The following PLCXD3 variants were observed in gnomAD, a reference collection of about 807,000 sequenced individuals.
The protein encoded by PLCXD3 is PI-PLC X domain-containing protein 3.
In PLCXD3, 19 loss-of-function variants were observed where a neutral mutation model predicts 25.5. The ratio of observed to expected loss-of-function variants is 0.75; its 90% CI spans 0.52 to 1.09. The LOEUF (loss-of-function observed/expected upper bound fraction) is 1.09, where lower values mean the gene tolerates loss of function less well. Ranked by LOEUF, PLCXD3 falls within the 50% of genes least tolerant of loss-of-function variation. The probability of loss-of-function intolerance (pLI) is 0.00; values close to 1 mark genes in which losing one functional copy is unlikely to be tolerated. For missense variants in PLCXD3, 411 were observed against 388.1 expected (o/e 1.06, Z -0.50); for synonymous variants, 174 against 137.6 (o/e 1.26, Z -1.85).
chr5:41,499,011 C>T (rs1748896314), intron 1 of PLCXD3, among the ~76,000 whole-genome samples: 1 of 151,306 alleles, frequency 6.6e-6, no homozygotes, highest in Admixed American at 6.6e-5. Context: ...TACCTTGACA[C>T]AATAAAAGCC....
chr5:41,313,954 G>T (rs530594424), intron 2 of PLCXD3, among the ~76,000 whole-genome samples, 184 bp from the exon 3 acceptor site: 42 of 152,296 alleles, frequency 2.8e-4, no homozygotes, highest in African/African-American at 9.9e-4. Flanking sequence ...CTCTGCAGGA[G>T]AAATATTCAC....
At chr5:41,358,427 A>G (rs1236146845) in intron 2 of PLCXD3, among the ~76,000 whole-genome samples, 2 of 152,070 alleles carry the variant, frequency 1.3e-5, no homozygotes, top group Non-Finnish European at 2.9e-5. Flanking sequence ...CCTGCATCCA[A>G]TATGTAGTCT....
chr5:41,389,704 C>T (rs1388687786), intron 1 of PLCXD3, among the ~76,000 whole-genome samples: 2 of 152,016 alleles, frequency 1.3e-5, no homozygotes, highest in Admixed American at 1.3e-4. Context: ...AAAAGGAAAC[C>T]ATGGTCAGTA....
chr5:41,485,049 A>G (rs1325387906), intron 1 of PLCXD3, among the ~76,000 whole-genome samples: 5 of 152,218 alleles, frequency 3.3e-5, no homozygotes, highest in Admixed American at 1.3e-4. Context: ...AGAATTTGCT[A>G]GATTAACTCA....
chr5:41,313,928 T>C (rs951321367), intron 2 of PLCXD3, among the ~76,000 whole-genome samples, 158 bp from the exon 3 acceptor site: 1 of 152,228 alleles, frequency 6.6e-6, no homozygotes, highest in Non-Finnish European at 1.5e-5. Context: ...TGGGGATTTT[T>C]TAACCTTTGA....
intron 2 of PLCXD3, among the ~76,000 whole-genome samples, chr5:41,379,436 C>A (rs1169569004): frequency 6.6e-6 from 1 of 151,964 alleles, no homozygotes; most frequent in Non-Finnish European, 1.5e-5. Flanking sequence ...GCTTAGGAAG[C>A]TGGAGAGAGG....
chr5:41,403,414 T>TTTTG (rs1378237073), intron 1 of PLCXD3, among the ~76,000 whole-genome samples: 1 of 45,004 alleles, frequency 2.2e-5, no homozygotes, highest in Non-Finnish European at 5.2e-5. Context: ...TTTTTTTTTT[T>TTTTG]TTATTATACT....
intron 2 of PLCXD3, among the ~76,000 whole-genome samples, chr5:41,327,232 A>G (rs187043440): frequency 2.3e-3 from 353 of 152,282 alleles, no homozygotes; most frequent in African/African-American, 8.3e-3. Flanking sequence ...TGGGGACTAG[A>G]GAGCAGGGGC....
Position 41,396,009 on chromosome 5 carries a change from A to AG in PLCXD3, c.104-13476_104-13475insC, listed in dbSNP as rs1246156905. On this transcript the variant is annotated intron_variant, in intron 1 of 2. Coordinates refer to ENST00000377801, the MANE Select transcript of PLCXD3 (RefSeq NM_001005473.3). ...GACAAAGGCCCATCAAAGAAAAAAA[A>AG]AAAACCACAAAACAAAACAAAAAAC... 1.9e-4 allele frequency among the ~76,000 whole-genome samples: 29 copies of AG among 151,896 alleles called. 1 individual carries two copies. The South Asian group carries it at 5.8e-3, about 30-fold the overall frequency.
intron 2 of PLCXD3, among the ~76,000 whole-genome samples, chr5:41,340,826 T>A (rs2150477650): frequency 6.6e-6 from 1 of 152,328 alleles, no homozygotes; most frequent in East Asian, 1.9e-4. Flanking sequence ...CCACTGGAAG[T>A]CATTAAGTGG....
At chr5:41,485,779 C>T (rs569088650) in intron 1 of PLCXD3, among the ~76,000 whole-genome samples, 1 of 152,316 alleles carries the variant, frequency 6.6e-6, no homozygotes, top group African/African-American at 2.4e-5. Context: ...TACTGACTTA[C>T]AGTCAGTTAT....
chr5:41,407,552 T>C (rs1012883359), intron 1 of PLCXD3, among the ~76,000 whole-genome samples: 1 of 152,206 alleles, frequency 6.6e-6, no homozygotes, highest in South Asian at 2.1e-4. Context: ...CACATAATTT[T>C]GCCTCAATCT....
At chr5:41,369,258 CA>C (rs1400537726) in intron 2 of PLCXD3, among the ~76,000 whole-genome samples, 2 of 152,136 alleles carry the variant, frequency 1.3e-5, no homozygotes, top group Admixed American at 6.6e-5. Flanking sequence ...GGATACTTAA[CA>C]ATAGTCCATC....
chr5:41,358,085 C>T (rs1329968651), intron 2 of PLCXD3, among the ~76,000 whole-genome samples: 1 of 152,210 alleles, frequency 6.6e-6, no homozygotes, highest in African/African-American at 2.4e-5. Context: ...TTATTGATCA[C>T]TCGCTATGTA....
intron 1 of PLCXD3, among the ~76,000 whole-genome samples, chr5:41,455,125 G>A (rs1747724577): frequency 6.6e-6 from 1 of 151,858 alleles, no homozygotes; most frequent in Admixed American, 6.6e-5. Context: ...TGAGGATCAT[G>A]GTGATTACAA....
intron 2 of PLCXD3, among the ~76,000 whole-genome samples, chr5:41,342,620 TG>T (rs1466551873): frequency 6.6e-6 from 1 of 152,160 alleles, no homozygotes; most frequent in East Asian, 1.9e-4. Context: ...AAATTTAATG[TG>T]GGTATTTTAT....
chr5:41,468,175 G>A (rs1209951290), intron 1 of PLCXD3, among the ~76,000 whole-genome samples: 1 of 151,632 alleles, frequency 6.6e-6, no homozygotes, highest in Non-Finnish European at 1.5e-5. Flanking sequence ...CTGCCACCTG[G>A]CCCAGCTGAT....
chr5:41,493,506 C>G (rs910842651), intron 1 of PLCXD3, among the ~76,000 whole-genome samples: 3 of 152,252 alleles, frequency 2.0e-5, no homozygotes, highest in Middle Eastern at 3.2e-3. Context: ...TTACTGCTGT[C>G]TTTTTGTTTG....
chr5:41,342,145 G>T (rs896463329), intron 2 of PLCXD3, among the ~76,000 whole-genome samples: 5 of 152,104 alleles, frequency 3.3e-5, no homozygotes, highest in African/African-American at 1.2e-4. Flanking sequence ...GTGGCCTATA[G>T]GGTATCCATA....
Sources: gnomAD v4.1 joint callset for allele counts (sites outside exome capture counted in the v4.1 genomes callset) on GRCh38, gnomAD v4.1.1 for gene constraint, MANE v1.5 for transcripts, NCBI Gene and HGNC (gene_info 2026-07-23, HGNC 2026-07-21) for gene names.